CMSS1: variants seen among roughly 807,000 people sequenced by gnomAD.
CMSS1 encodes the protein cms1 ribosomal small subunit homolog, also known as protein CMSS1.
In CMSS1, 33 loss-of-function variants were observed where a neutral mutation model predicts 43.5. That is an observed-to-expected ratio of 0.76 (90% CI 0.57 to 1.01). The LOEUF (loss-of-function observed/expected upper bound fraction) is 1.01. CMSS1 is among the 50% of genes least tolerant of loss of function. The pLI is 0.00. For synonymous variants in CMSS1, 115 were observed against 117.2 expected (o/e 0.98, Z 0.12); for missense variants, 313 against 326.4 (o/e 0.96, Z 0.32).
rs200704687 is a variant in CMSS1, at chr3:99,845,831, AATT to A, written c.64+27794_64+27796del. 7.2e-3 allele frequency among the ~76,000 whole-genome samples: 1,099 copies of A among 152,300 alleles called. 19 individuals are homozygous for A. Among genetic ancestry groups the A allele is most frequent in the African/African-American group, 0.024 (1,012 of 41,560 alleles). On this transcript the variant is annotated intron_variant, in intron 1 of 9. Coordinates refer to ENST00000421999, the MANE Select transcript of CMSS1 (RefSeq NM_032359.4). ...TAAAATTTATTTTGATGCTGATACA[AATT>A]ATTATACTGAAGGAATCCTCCCAGT...
chr3:99,895,055 C>G lies in CMSS1; in HGVS notation c.64+77012C>G, dbSNP rs534130977. Among the ~76,000 whole-genome samples, 4 of 152,264 alleles carry G rather than the reference C, an allele frequency of 2.6e-5. No homozygotes were observed. The South Asian group carries it at 8.3e-4, about 32-fold the overall frequency. ...CCAACTAACCTGAAGAAAAGTAGCT[C>G]TGGAAATACTCTTGCCCTCCAGGTG... On this transcript the variant is annotated intron_variant, in intron 1 of 9. Coordinates refer to ENST00000421999, the MANE Select transcript of CMSS1 (RefSeq NM_032359.4).
chr3:99,996,790 C>G (rs542760086), intron 1 of CMSS1, among the ~76,000 whole-genome samples: 1 of 151,550 alleles, frequency 6.6e-6, no homozygotes, highest in Non-Finnish European at 1.5e-5. Context: ...TGGGGAAAAC[C>G]GGCCCCATGA....
chr3:100,070,383 A>G (rs1043993678), intron 1 of CMSS1, among the ~76,000 whole-genome samples: 2 of 152,220 alleles, frequency 1.3e-5, no homozygotes, highest in African/African-American at 4.8e-5. Context: ...TGAAATTTTA[A>G]AGAAAATTTT....
In CMSS1 at chr3:100,094,094, G is replaced by A. The variant is rs557830537; in HGVS notation, c.65-52879G>A. On this transcript the variant is annotated intron_variant, in intron 1 of 9. Coordinates refer to ENST00000421999, the MANE Select transcript of CMSS1 (RefSeq NM_032359.4). ...CCCTGCATCCTTGCCAACATTTGGT[G>A]TCATCACTATTTTTTTAATTTTAGT... is the stretch of plus-strand genomic sequence containing the variant. Among the ~76,000 whole-genome samples the A allele has an allele frequency of 2.6e-5, 4 of 152,240 alleles. No individual in the cohort carries two copies. The South Asian group carries it at 8.3e-4, about 32-fold the overall frequency.
chr3:99,986,181 T>G (rs913566336), intron 1 of CMSS1, among the ~76,000 whole-genome samples: 1 of 152,224 alleles, frequency 6.6e-6, no homozygotes, highest in Non-Finnish European at 1.5e-5. Flanking sequence ...TCAAATATGT[T>G]CAAATTATAA....
Position 100,160,384 on chromosome 3 carries a change from T to A in CMSS1, c.154-46T>A, listed in dbSNP as rs200282661. 11 of 1,003,640 alleles carry A rather than the reference T, an allele frequency of 1.1e-5. No homozygotes were observed. The African/African-American group carries it at 1.6e-4, about 15-fold the overall frequency. 62.2% of individuals were successfully genotyped at this position (1,003,640 alleles called of 1,614,324 possible). A position where few individuals can be genotyped will look rare whatever the true frequency, so the allele number is the denominator to read the frequency against. The stretch of plus-strand genomic sequence containing the variant: ...TGGGGTTCATGCCACTAATTGACAC[T>A]TTATCATGAAAAGATTAAAATGTTC... On this transcript the variant is annotated intron_variant, in intron 2 of 9. Coordinates refer to ENST00000421999, the MANE Select transcript of CMSS1 (RefSeq NM_032359.4).
intron 1 of CMSS1, among the ~76,000 whole-genome samples, chr3:100,037,996 C>T (rs1452145277): frequency 1.3e-5 from 2 of 148,940 alleles, no homozygotes; most frequent in Non-Finnish European, 3.0e-5. Context: ...CGCTCTGTCG[C>T]CCAGGTGGAG....
chr3:99,880,315 C>G (rs185598890), intron 1 of CMSS1, among the ~76,000 whole-genome samples: 1 of 152,084 alleles, frequency 6.6e-6, no homozygotes, highest in Non-Finnish European at 1.5e-5. Flanking sequence ...ACCATATCTC[C>G]GCACTTAAAC....
intron 8 of CMSS1, 199 bp from the exon 9 acceptor site, chr3:100,176,128 T>G: frequency 2.9e-5 from 14 of 476,030 alleles, no homozygotes; most frequent in Middle Eastern, 5.6e-4. Flanking sequence ...GGAGGAGTGA[T>G]GAGATGATAA....
At chr3:99,951,212 C>G (rs1296490704) in intron 1 of CMSS1, among the ~76,000 whole-genome samples, 1 of 152,232 alleles carries the variant, frequency 6.6e-6, no homozygotes, top group Non-Finnish European at 1.5e-5. Context: ...GCTGATACTT[C>G]CTGGAGAAGT....
At chr3:100,067,855 AC>A (rs1181155393) in intron 1 of CMSS1, among the ~76,000 whole-genome samples, 1 of 152,174 alleles carries the variant, frequency 6.6e-6, no homozygotes, top group African/African-American at 2.4e-5. Flanking sequence ...TGGGTATAGT[AC>A]AATAGGGAAG....
At chr3:99,980,696 G>T (rs560956362) in intron 1 of CMSS1, among the ~76,000 whole-genome samples, 45 of 152,292 alleles carry the variant, frequency 3.0e-4, no homozygotes, top group African/African-American at 9.9e-4. Context: ...ATGGGACAGC[G>T]TATTGGCAGA....
intron 8 of CMSS1, 197 bp from the exon 9 acceptor site, chr3:100,176,130 A>G (rs2067146247): frequency 2.1e-6 from 1 of 481,942 alleles, no homozygotes; most frequent in Admixed American, 3.6e-5. Flanking sequence ...AGGAGTGATG[A>G]GATGATAAGA....
At chr3:99,871,319 G>A (rs560436113) in intron 1 of CMSS1, among the ~76,000 whole-genome samples, 2 of 151,582 alleles carry the variant, frequency 1.3e-5, no homozygotes, top group South Asian at 4.2e-4. Flanking sequence ...CTTTTTTTTT[G>A]TATCAAATAA....
chr3:100,166,412 T>G lies in CMSS1; in HGVS notation c.415+18T>G. The G allele has an allele frequency of 6.7e-7, 1 of 1,485,234 alleles. No homozygotes were observed. The highest frequency in any genetic ancestry group is 9.4e-7 in the Non-Finnish European group (1 of 1,064,732). The allele number at this position is 1,485,234 out of a possible 1,614,324, so 92.0% of individuals were successfully genotyped here. A position where few individuals can be genotyped will look rare whatever the true frequency, so the allele number is the denominator to read the frequency against. ...AAAAGAAAGTAAGTAAACTCTGATT[T>G]TAATCTATTTAAACTCATTCTTATT... On this transcript the variant is annotated intron_variant, in intron 5 of 9. Coordinates refer to ENST00000421999, the MANE Select transcript of CMSS1 (RefSeq NM_032359.4).
chr3:100,056,775 C>T (rs188149698), intron 1 of CMSS1, among the ~76,000 whole-genome samples: 7 of 151,906 alleles, frequency 4.6e-5, no homozygotes, highest in Admixed American at 1.3e-4. Context: ...CAAGGCAGGC[C>T]GGGCGGATCA....
chr3:100,117,878 T>TATATATATATATACAC (rs1357671856), intron 1 of CMSS1, among the ~76,000 whole-genome samples: 4 of 129,084 alleles, frequency 3.1e-5, no homozygotes, highest in African/African-American at 1.3e-4. Flanking sequence ...TATATATATA[T>TATATATATATATACAC]ACACATACAA....
intron 1 of CMSS1, among the ~76,000 whole-genome samples, chr3:100,050,313 AG>A (rs2065348509): frequency 6.6e-6 from 1 of 152,194 alleles, no homozygotes; most frequent in African/African-American, 2.4e-5. Flanking sequence ...GAACTTACAC[AG>A]AGAGGGAGTT....
At position 99,817,874 on chromosome 3, in the gene CMSS1, G is replaced by T; in HGVS notation, c.-106G>T. ...GGGCGGAGGCGACAGTGTCTAGCGG[G>T]AGCTCCGCGTGTAGCTACGCCGGCC... is the stretch of plus-strand genomic sequence containing the variant. On this transcript the variant is annotated 5_prime_UTR_variant, in exon 1 of 10. Transcript: ENST00000421999. The T allele has an allele frequency of 8.6e-7, 1 of 1,163,872 alleles. No homozygotes were observed. Among genetic ancestry groups the T allele is most frequent in the Non-Finnish European group, 1.3e-6 (1 of 797,152 alleles). The allele number at this position is 1,163,872 out of a possible 1,614,324, so 72.1% of individuals were successfully genotyped here. A position where few individuals can be genotyped will look rare whatever the true frequency, so the allele number is the denominator to read the frequency against.
Sources: allele counts gnomAD v4.1 joint callset (sites outside exome capture counted in the v4.1 genomes callset), GRCh38; gene constraint gnomAD v4.1.1; transcripts MANE v1.5; gene names NCBI Gene and HGNC (gene_info 2026-07-23, HGNC 2026-07-21).